GNAO1: variants seen among roughly 807,000 people sequenced by gnomAD.
The protein encoded by GNAO1 is guanine nucleotide-binding protein G(o) subunit alpha.
For synonymous variants in GNAO1, 164 were observed against 180.7 expected, an observed-to-expected ratio of 0.91 and a Z score of 0.74; for missense variants, 166 against 478.7, an observed-to-expected ratio of 0.35 and a Z score of 6.10.
intron 2 of GNAO1, among the ~76,000 whole-genome samples, chr16:56,273,604 T>C (rs1302855323): frequency 6.6e-6 from 1 of 152,242 alleles, no homozygotes; most frequent in East Asian, 1.9e-4. Context: ...TATTATATTG[T>C]TGAATGTCTA....
intron 2 of GNAO1, among the ~76,000 whole-genome samples, chr16:56,208,454 C>T (rs970812150): frequency 7.2e-4 from 105 of 146,664 alleles, no homozygotes; most frequent in African/African-American, 2.3e-3. Flanking sequence ...TGTGTGCGCG[C>T]GCGCGCACGT....
chr16:56,313,558 G>A (rs1295355311), intron 3 of GNAO1, among the ~76,000 whole-genome samples: 6 of 152,040 alleles, frequency 3.9e-5, no homozygotes, highest in Admixed American at 2.0e-4. Flanking sequence ...CCTTCTCTCT[G>A]TTGTGATGTG....
Position 56,351,167 on chromosome 16 carries a change from G to T in GNAO1, c.724-217G>T, listed in dbSNP as rs982551519. Among the ~76,000 whole-genome samples, 44 of 152,324 alleles carry T rather than the reference G, an allele frequency of 2.9e-4. No homozygotes were observed. The highest frequency in any genetic ancestry group is 3.5e-4 in the Non-Finnish European group (24 of 68,024). On this transcript the variant is annotated intron_variant, in intron 6 of 8. Transcript: ENST00000262493. This position sits in a 1 kb window ranked among gnomAD's most constrained non-coding sequence, Gnocchi z 6.1. The stretch of plus-strand genomic sequence containing the variant: ...AGAGCCATGGCTGGTGTCCAGTCCA[G>T]TCTCTGCCTCTGGCCCCGACATGAC...
chr16:56,277,397 A>G (rs1314169228), intron 3 of GNAO1, among the ~76,000 whole-genome samples: 1 of 152,182 alleles, frequency 6.6e-6, no homozygotes, highest in East Asian at 1.9e-4. Context: ...TATGATGTGC[A>G]AGGCTTTGAG....
chr16:56,208,059 C>T lies in GNAO1; in HGVS notation c.161+15443C>T, dbSNP rs148952303. 5.5e-3 allele frequency among the ~76,000 whole-genome samples: 840 copies of T among 152,202 alleles called. 3 individuals carry two copies. The highest frequency in any genetic ancestry group is 8.6e-3 in the Non-Finnish European group (584 of 68,006). On this transcript the variant is annotated intron_variant, in intron 2 of 8. Transcript: ENST00000262493. ...TAGAGTTTACCACCTACATATGCAT[C>T]CTCTAATCATTTAGTCTAGTTTCTC... is the stretch of plus-strand genomic sequence containing the variant.
At chr16:56,262,182 A>G (rs2036909505) in intron 2 of GNAO1, among the ~76,000 whole-genome samples, 1 of 152,236 alleles carries the variant, frequency 6.6e-6, no homozygotes, top group Non-Finnish European at 1.5e-5. Context: ...GATGTCCACT[A>G]CAGCCCTCAT....
chr16:56,225,375 C>T (rs1257639416), intron 2 of GNAO1, among the ~76,000 whole-genome samples: 1 of 152,230 alleles, frequency 6.6e-6, no homozygotes, highest in Non-Finnish European at 1.5e-5. Context: ...CCAGGCTTGG[C>T]ACTTTTGTGC....
intron 3 of GNAO1, among the ~76,000 whole-genome samples, chr16:56,287,807 T>C (rs2037188278): frequency 6.6e-6 from 1 of 151,994 alleles, no homozygotes; most frequent in African/African-American, 2.4e-5. Context: ...GAGCTGCTTC[T>C]GACTCAGGGC....
chr16:56,315,214 T>A (rs563376616), intron 3 of GNAO1, among the ~76,000 whole-genome samples: 1 of 152,350 alleles, frequency 6.6e-6, no homozygotes, highest in Non-Finnish European at 1.5e-5. Context: ...GTTGCTAATG[T>A]CTCCCAGCCG....
intron 2 of GNAO1, among the ~76,000 whole-genome samples, chr16:56,265,507 G>C (rs2143494754): frequency 6.6e-6 from 1 of 152,352 alleles, no homozygotes; most frequent in Non-Finnish European, 1.5e-5. Flanking sequence ...TTCCATTTTA[G>C]GGAAAATAAT....
At chr16:56,280,899 T>G (rs1331864022) in intron 3 of GNAO1, among the ~76,000 whole-genome samples, 1 of 152,194 alleles carries the variant, frequency 6.6e-6, no homozygotes, top group Non-Finnish European at 1.5e-5. Flanking sequence ...GAACTGAAGC[T>G]CTGGGAATTA....
chr16:56,351,629 G>A lies in GNAO1; in HGVS notation c.877+92G>A. On this transcript the variant is annotated intron_variant, in intron 7 of 8. Coordinates refer to ENST00000262493, the MANE Select transcript of GNAO1 (RefSeq NM_020988.3). The surrounding 1 kb of genome is among the most constrained non-coding windows in gnomAD (Gnocchi z 6.1). ...AGGCTGCTCGGCCAGCACTGCTGGGGCTAGCTGGCGAGCGGGACCCATTGC... is the reference window on the plus strand; with the variant it reads ...AGGCTGCTCGGCCAGCACTGCTGGGACTAGCTGGCGAGCGGGACCCATTGC... The A allele has an allele frequency of 1.0e-6, 1 of 1,002,836 alleles. No individual in the cohort carries two copies. Among genetic ancestry groups the A allele is most frequent in the South Asian group, 1.5e-5 (1 of 68,878 alleles). 62.1% of individuals were successfully genotyped at this position (1,002,836 alleles called of 1,614,324 possible).
intron 3 of GNAO1, among the ~76,000 whole-genome samples, chr16:56,297,855 T>C (rs1263676204): frequency 2.6e-5 from 4 of 152,042 alleles, no homozygotes; most frequent in African/African-American, 7.2e-5. Context: ...CTCTTCTTTA[T>C]GTAGAACTAG....
rs564110877 is a variant in GNAO1, at chr16:56,207,858, A to T, written c.161+15242A>T. 8.1e-4 allele frequency among the ~76,000 whole-genome samples: 123 copies of T among 152,298 alleles called. 1 individual carries two copies. The highest frequency in any genetic ancestry group is 4.4e-5 in the Non-Finnish European group (3 of 68,030). On this transcript the variant is annotated intron_variant, in intron 2 of 8. Transcript: ENST00000262493. ...TACATGCAAAATGTACATTAATCTT[A>T]TATGTTTTACAGATTTTTAGAAAGC...
chr16:56,248,162 T>C (rs1390340747), intron 2 of GNAO1, among the ~76,000 whole-genome samples: 1 of 152,232 alleles, frequency 6.6e-6, no homozygotes, highest in African/African-American at 2.4e-5. Flanking sequence ...GTAAAACATA[T>C]TTATACCTTT....
chr16:56,289,338 T>G (rs2037207422), intron 3 of GNAO1, among the ~76,000 whole-genome samples: 1 of 152,170 alleles, frequency 6.6e-6, no homozygotes, highest in Non-Finnish European at 1.5e-5. Context: ...GGTTCAGGGT[T>G]GTCAGTCTAA....
chr16:56,236,485 A>C (rs1404066939), intron 2 of GNAO1, among the ~76,000 whole-genome samples: 4 of 152,198 alleles, frequency 2.6e-5, no homozygotes, highest in Non-Finnish European at 5.9e-5. Flanking sequence ...TATGACTTCC[A>C]GATAGGTCTG....
chr16:56,255,405 T>C (rs1419564733), intron 2 of GNAO1: 1 of 152,226 alleles, frequency 6.6e-6, no homozygotes, highest in Non-Finnish European at 1.5e-5. Flanking sequence ...GGGCAAACTA[T>C]TTGAGGTCTT....
At chr16:56,288,236 G>A (rs2037192950) in intron 3 of GNAO1, among the ~76,000 whole-genome samples, 1 of 152,222 alleles carries the variant, frequency 6.6e-6, no homozygotes, top group African/African-American at 2.4e-5. Context: ...AATGCAAGCA[G>A]GTGTACTGCT....
Sources: gnomAD v4.1 joint callset for allele counts (sites outside exome capture counted in the v4.1 genomes callset) on GRCh38, gnomAD v4.1.1 for gene constraint, Gnocchi (gnomAD v3.1) non-coding constraint, MANE v1.5 for transcripts, NCBI Gene and HGNC (gene_info 2026-07-23, HGNC 2026-07-21) for gene names.